Variants in HOXC6 observed in about 807,000 individuals in gnomAD.
HOXC6 encodes homeobox C6, also known as homeobox protein Hox-C6.
In HOXC6, 10 loss-of-function variants were observed where a neutral mutation model predicts 24.0. The ratio of observed to expected loss-of-function variants is 0.42; its 90% CI spans 0.26 to 0.71. The LOEUF is 0.71. Ranked by LOEUF, HOXC6 falls within the 30% of genes least tolerant of loss-of-function variation. The pLI is 0.28. For missense variants in HOXC6, 258 were observed against 303.4 expected, an observed-to-expected ratio of 0.85 and a Z score of 1.11; for synonymous variants, 123 against 128.1, an observed-to-expected ratio of 0.96 and a Z score of 0.27.
chr12:54,024,888 G>A (rs1940622416), upstream of HOXC6, among the ~76,000 whole-genome samples: 1 of 152,246 alleles, frequency 6.6e-6, no homozygotes, highest in African/African-American at 2.4e-5. Flanking sequence ...GCTATCAAAA[G>A]CATGTGTTTT....
intron 1 of HOXC6, among the ~76,000 whole-genome samples, chr12:54,023,024 G>C (rs151312031): frequency 8.5e-5 from 13 of 152,084 alleles, no homozygotes; most frequent in Non-Finnish European, 1.9e-4. Flanking sequence ...TTTTTCTCCT[G>C]GGCCAAGCAG....
chr12:54,022,458 G>A (rs1940493869), intron 1 of HOXC6: 1 of 152,024 alleles, frequency 6.6e-6, no homozygotes. Flanking sequence ...ATTTAAAAGA[G>A]TATCATTGAA....
chr12:54,027,785 C>G (rs1004943639), upstream of HOXC6, among the ~76,000 whole-genome samples: 1 of 152,166 alleles, frequency 6.6e-6, no homozygotes, highest in African/African-American at 2.4e-5. Context: ...GCCACTGTAC[C>G]CTGAAGTCTT....
chr12:54,026,995 C>A (rs917177420), upstream of HOXC6, among the ~76,000 whole-genome samples: 1 of 151,496 alleles, frequency 6.6e-6, no homozygotes, highest in East Asian at 1.9e-4. Context: ...TTTCTCTGCT[C>A]CCCGCACACT....
intron 1 of HOXC6, among the ~76,000 whole-genome samples, chr12:54,023,254 T>A (rs1940531691): frequency 6.6e-6 from 1 of 152,204 alleles, no homozygotes; most frequent in South Asian, 2.1e-4. Flanking sequence ...CTGAGCGTGA[T>A]GGGGTAGAGA....
At chr12:54,024,849 A>G (rs1260161993), upstream of HOXC6, among the ~76,000 whole-genome samples, 1 of 152,248 alleles carries the variant, frequency 6.6e-6, no homozygotes, top group East Asian at 1.9e-4. Context: ...TCCAAGGCGC[A>G]GGCAGTAAAT....
chr12:54,021,428 A>G (rs955069165), intron 1 of HOXC6: 1 of 152,278 alleles, frequency 6.6e-6, no homozygotes, highest in Non-Finnish European at 1.5e-5. Context: ...ATGGGCTACC[A>G]AGGCTGAGAA....
At chr12:54,027,606 T>G (rs190442102), upstream of HOXC6, among the ~76,000 whole-genome samples, 11 of 152,094 alleles carry the variant, frequency 7.2e-5, no homozygotes, top group East Asian at 2.1e-3. Context: ...GCCACCTCCC[T>G]ACATTTTACT....
At chr12:54,019,267 C>T (rs1229833247) in intron 1 of HOXC6, among the ~76,000 whole-genome samples, 1 of 144,772 alleles carries the variant, frequency 6.9e-6, no homozygotes, top group Non-Finnish European at 1.5e-5. Flanking sequence ...GAGAAAAGCG[C>T]TTGGCTCTCC....
upstream of HOXC6, among the ~76,000 whole-genome samples, chr12:54,026,953 C>A (rs1009746835): frequency 9.3e-6 from 1 of 107,432 alleles, no homozygotes; most frequent in Admixed American, 9.1e-5. Context: ...CCCCAACCCA[C>A]CCAAAAATGG....
upstream of HOXC6, among the ~76,000 whole-genome samples, chr12:54,024,141 C>T (rs1344840275): frequency 2.6e-5 from 4 of 152,218 alleles, no homozygotes; most frequent in African/African-American, 7.2e-5. Context: ...TACTGAAACT[C>T]GGCTTTCTCC....
upstream of HOXC6, chr12:54,028,403 T>C (rs1940825061): frequency 1.7e-6 from 2 of 1,167,486 alleles, no homozygotes; most frequent in South Asian, 3.3e-5. Context: ...GTCAGCTGAC[T>C]TTGTCATTTT....
chr12:54,024,445 C>T (rs984336083), upstream of HOXC6, among the ~76,000 whole-genome samples: 1 of 152,142 alleles, frequency 6.6e-6, no homozygotes, highest in Admixed American at 6.5e-5. Flanking sequence ...TACAAACATC[C>T]GCGCAGAGTT....
At chr12:54,025,509 T>G (rs931712389), upstream of HOXC6, among the ~76,000 whole-genome samples, 13 of 124,192 alleles carry the variant, frequency 1.0e-4, no homozygotes, top group Non-Finnish European at 2.2e-4. Context: ...TCTTCTTTCC[T>G]CAGGAATGAA....
intron 1 of HOXC6, chr12:54,020,869 C>G (rs1940402660): frequency 6.6e-6 from 1 of 152,224 alleles, no homozygotes; most frequent in African/African-American, 2.4e-5. Flanking sequence ...TGGGGAAATA[C>G]TAAATCCCTT....
rs1231620764 is a variant in HOXC6 at position 54,028,672 on chromosome 12, T to G, written c.151T>G (p.Ser51Ala). 1.2e-6 allele frequency: 2 copies of G among 1,613,922 alleles called. No homozygotes were observed. Among genetic ancestry groups the G allele is most frequent in the Non-Finnish European group, 1.7e-6 (2 of 1,180,022 alleles). Residue 51 changes from serine to alanine, a missense_variant, in exon 1 of 2, where the codon TCG becomes GCG. By Grantham distance (99) the Ser-to-Ala change is moderately conservative. Coordinates refer to ENST00000243108, the MANE Select transcript of HOXC6 (RefSeq NM_004503.4). ...GGCCGTTGCCCAGAACCGGATCTACTCGACTCCCTTTTATTCGCCACAGGA... is the reference window on the plus strand; with the variant it reads ...GGCCGTTGCCCAGAACCGGATCTACGCGACTCCCTTTTATTCGCCACAGGA... ...GAAVAQNRIY[S>A]TPFYSPQENV...
At chr12:54,018,857 A>G (rs1592219313) in intron 1 of HOXC6, among the ~76,000 whole-genome samples, 1 of 152,176 alleles carries the variant, frequency 6.6e-6, no homozygotes, top group East Asian at 1.9e-4. Context: ...ACCCTCTCCC[A>G]GAGGCGCGAC....
intron 1 of HOXC6, among the ~76,000 whole-genome samples, chr12:54,029,398 GCCCCGCCC>G (rs1555185353): frequency 3.1e-5 from 2 of 65,394 alleles, no homozygotes; most frequent in Admixed American, 1.5e-4. Context: ...TTTGCCTTTT[GCCCCGCCC>G]CCCCGCCCCC....
At chr12:54,028,299 A>G, upstream of HOXC6, 1 of 401,142 alleles carries the variant, frequency 2.5e-6, no homozygotes, top group Non-Finnish European at 4.4e-6. Flanking sequence ...CTTACTTTCA[A>G]AGCACACACT....
Sources: gnomAD v4.1 joint callset for allele counts (sites outside exome capture counted in the v4.1 genomes callset) on GRCh38, gnomAD v4.1.1 for gene constraint, MANE v1.5 for transcripts, NCBI Gene and HGNC (gene_info 2026-07-23, HGNC 2026-07-21) for gene names.